The following SLC35F4 variants were observed in gnomAD, a reference collection of about 807,000 sequenced individuals.
SLC35F4 encodes solute carrier family 35 member F4.
Under a neutral mutation model 44.2 loss-of-function variants are expected in SLC35F4, and 24 were observed. The ratio of observed to expected loss-of-function variants is 0.54; its 90% CI spans 0.39 to 0.76. SLC35F4 has a LOEUF of 0.76. Among genes scored for constraint, SLC35F4 ranks in the 30% least tolerant of loss-of-function variants. The probability of loss-of-function intolerance (pLI) is 0.00; values close to 1 mark genes in which losing one functional copy is unlikely to be tolerated. For missense variants in SLC35F4, 562 were observed against 586.1 expected, an observed-to-expected ratio of 0.96 and a Z score of 0.42; for synonymous variants, 238 against 223.6, an observed-to-expected ratio of 1.06 and a Z score of -0.57.
chr14:57,566,614 A>G (rs1429045085), intron 6 of SLC35F4, 50 bp from the exon 7 acceptor site: 2 of 1,505,672 alleles, frequency 1.3e-6, no homozygotes, highest in Non-Finnish European at 1.8e-6. Flanking sequence ...AATACGCTGG[A>G]CTTTTTTCTC....
At chr14:57,852,326 C>A (rs548435364) in intron 1 of SLC35F4, among the ~76,000 whole-genome samples, 1 of 152,190 alleles carries the variant, frequency 6.6e-6, no homozygotes, top group African/African-American at 2.4e-5. Flanking sequence ...AATGAAAGAG[C>A]CTGGAACAGG....
rs2068532886 is a variant in SLC35F4 at position 57,571,962 on chromosome 14, A to C, written c.865T>G (p.Phe289Val). Residue 289 changes from phenylalanine to valine, a missense_variant, in exon 5 of 8, where the codon TTC (phenylalanine) becomes GTC (valine). By Grantham distance (50) the Phe-to-Val change is conservative. Coordinates refer to ENST00000556826, the MANE Select transcript of SLC35F4 (RefSeq NM_001306087.2). The stretch of plus-strand genomic sequence containing the variant: ...ACTCCTATGATGGAATCAGCGTGGA[A>C]ATTATCTGCATATGCCATCATGACA... ...GIVMMAYADNFHADSIIGVAF... is the reference protein window; with the variant it reads ...GIVMMAYADNVHADSIIGVAF... 1 of 1,612,308 alleles carries C rather than the reference A, an allele frequency of 6.2e-7. No individual in the cohort carries two copies. The highest frequency in any genetic ancestry group is 8.5e-7 in the Non-Finnish European group (1 of 1,179,166).
chr14:57,641,965 G>C (rs911852773), intron 1 of SLC35F4, among the ~76,000 whole-genome samples: 5 of 151,878 alleles, frequency 3.3e-5, no homozygotes, highest in African/African-American at 1.2e-4. Context: ...TGTACTATTG[G>C]GGATTGCACA....
intron 1 of SLC35F4, among the ~76,000 whole-genome samples, chr14:57,809,285 T>C (rs1881700552): frequency 6.6e-6 from 1 of 152,180 alleles, no homozygotes. Flanking sequence ...TTCATTTGCC[T>C]CCTAGTCACA....
intron 1 of SLC35F4, among the ~76,000 whole-genome samples, chr14:57,740,652 A>C (rs187574127): frequency 6.6e-6 from 1 of 152,372 alleles, no homozygotes; most frequent in East Asian, 1.9e-4. Context: ...AGAAGAATTC[A>C]AATATTTCTA....
chr14:57,959,158 T>A (rs1450905783), intron 1 of SLC35F4, among the ~76,000 whole-genome samples: 2 of 152,220 alleles, frequency 1.3e-5, no homozygotes, highest in African/African-American at 2.4e-5. Context: ...AATACTTTCA[T>A]ATTTTGTATG....
At chr14:57,841,942 G>A (rs984901454) in intron 1 of SLC35F4, among the ~76,000 whole-genome samples, 2 of 152,150 alleles carry the variant, frequency 1.3e-5, no homozygotes, top group African/African-American at 4.8e-5. Flanking sequence ...GTTGGAACAC[G>A]AAGTTATCAC....
Position 57,581,945 on chromosome 14 carries a change from AT to A in SLC35F4, c.588-513del, listed in dbSNP as rs942233132. Among the ~76,000 whole-genome samples, 7 of 152,142 alleles carry A rather than the reference AT, an allele frequency of 4.6e-5. 1 individual carries two copies. Among genetic ancestry groups the A allele is most frequent in the Admixed American group, 2.6e-4 (4 of 15,278 alleles). On this transcript the variant is annotated intron_variant, in intron 3 of 7. Transcript: ENST00000556826. ...TCTAATATATCTGCCCAATTGACTA[AT>A]TTTTTTTCCTGCCAGCATTTTTAAG...
At chr14:57,753,875 G>A (rs925692706) in intron 1 of SLC35F4, among the ~76,000 whole-genome samples, 7 of 152,054 alleles carry the variant, frequency 4.6e-5, no homozygotes, top group African/African-American at 9.7e-5. Context: ...TAGGGTGGGA[G>A]GTATCTGTAC....
chr14:57,743,431 G>A (rs1194740718), intron 1 of SLC35F4, among the ~76,000 whole-genome samples: 13 of 151,824 alleles, frequency 8.6e-5, no homozygotes, highest in Non-Finnish European at 7.4e-5. Context: ...CTACCATCAG[G>A]GAATACTATA....
At chr14:57,644,140 G>C (rs2073382411) in intron 1 of SLC35F4, among the ~76,000 whole-genome samples, 1 of 152,148 alleles carries the variant, frequency 6.6e-6, no homozygotes, top group Non-Finnish European at 1.5e-5. Flanking sequence ...CCCAGTAATG[G>C]GATGGCTGGG....
At chr14:57,570,176 A>G (rs765506760) in intron 5 of SLC35F4, among the ~76,000 whole-genome samples, 196 bp from the exon 6 acceptor site, 1 of 152,218 alleles carries the variant, frequency 6.6e-6, no homozygotes, top group Admixed American at 6.5e-5. Flanking sequence ...TGAAATAGCA[A>G]ATGTCATAAA....
chr14:57,745,528 A>T (rs1260419455), intron 1 of SLC35F4, among the ~76,000 whole-genome samples: 1 of 152,192 alleles, frequency 6.6e-6, no homozygotes, highest in East Asian at 1.9e-4. Context: ...TCAAAACCAC[A>T]ATGAGATTCC....
At chr14:57,750,178 T>G (rs2076850826) in intron 1 of SLC35F4, among the ~76,000 whole-genome samples, 1 of 152,114 alleles carries the variant, frequency 6.6e-6, no homozygotes, top group Non-Finnish European at 1.5e-5. Flanking sequence ...CTTAAGATAA[T>G]GATGTCCATT....
downstream of SLC35F4, among the ~76,000 whole-genome samples, chr14:57,975,388 C>T (rs995858111): frequency 2.0e-5 from 3 of 152,170 alleles, no homozygotes; most frequent in African/African-American, 7.2e-5. Flanking sequence ...CCACACATTC[C>T]CAGATGCCTT....
intron 1 of SLC35F4, among the ~76,000 whole-genome samples, chr14:57,727,860 C>T (rs1212306739): frequency 6.6e-6 from 1 of 152,122 alleles, no homozygotes; most frequent in Non-Finnish European, 1.5e-5. Flanking sequence ...TATTGTGCAG[C>T]CATTGGATGA....
intron 1 of SLC35F4, among the ~76,000 whole-genome samples, chr14:57,828,970 G>A (rs1362301797): frequency 1.3e-5 from 2 of 152,196 alleles, no homozygotes; most frequent in Non-Finnish European, 2.9e-5. Context: ...TGCTCACTAT[G>A]CCTCCTTTTA....
At chr14:57,568,728 T>A (rs904551481) in intron 6 of SLC35F4, among the ~76,000 whole-genome samples, 2 of 152,174 alleles carry the variant, frequency 1.3e-5, no homozygotes, top group Admixed American at 1.3e-4. Context: ...GCTGCTACTA[T>A]TTCAAATTAT....
chr14:57,754,093 C>T (rs2076944249), intron 1 of SLC35F4, among the ~76,000 whole-genome samples: 1 of 149,272 alleles, frequency 6.7e-6, no homozygotes, highest in Non-Finnish European at 1.5e-5. Flanking sequence ...ATGACTAACC[C>T]AATGCTTTTT....
Sources: allele counts gnomAD v4.1 joint callset (sites outside exome capture counted in the v4.1 genomes callset), GRCh38; gene constraint gnomAD v4.1.1; transcripts MANE v1.5; gene names NCBI Gene and HGNC (gene_info 2026-07-23, HGNC 2026-07-21).